ZNF519: variants seen among roughly 807,000 people sequenced by gnomAD.
ZNF519 encodes zinc finger protein 519.
A neutral mutation model predicts 7.4 loss-of-function variants in ZNF519; 7 were observed. That is an observed-to-expected ratio of 0.94 (90% CI 0.54 to 1.77). The LOEUF is 1.77. Among genes scored for constraint, ZNF519 ranks in the 40% most tolerant of loss-of-function variants. The pLI is 0.00. For missense variants in ZNF519, 586 were observed against 623.1 expected, an observed-to-expected ratio of 0.94 and a Z score of 0.63; for synonymous variants, 179 against 203.3, an observed-to-expected ratio of 0.88 and a Z score of 1.02.
chr18:14,071,170 AT>A (rs2046026574), downstream of ZNF519: 1 of 151,894 alleles, frequency 6.6e-6, no homozygotes, highest in Non-Finnish European at 1.5e-5. Context: ...TAATCCAAAA[AT>A]AATTGGTGAT....
chr18:14,094,366 A>T (rs1183022547), intron 2 of ZNF519, among the ~76,000 whole-genome samples: 1 of 152,342 alleles, frequency 6.6e-6, no homozygotes, highest in Non-Finnish European at 1.5e-5. Context: ...CTTGTTCCAG[A>T]TCTTTTATAA....
At chr18:14,118,205 C>G (rs998993989) in intron 2 of ZNF519, among the ~76,000 whole-genome samples, 4 of 151,960 alleles carry the variant, frequency 2.6e-5, no homozygotes, top group Non-Finnish European at 5.9e-5. Flanking sequence ...ACTACAGGTG[C>G]CCGCCACCAC....
chr18:14,128,726 A>ACAC (rs2046314622), intron 1 of ZNF519, among the ~76,000 whole-genome samples: 3 of 95,684 alleles, frequency 3.1e-5, no homozygotes, highest in African/African-American at 8.0e-5. Flanking sequence ...CACACACACA[A>ACAC]AACCAAATGA....
chr18:14,087,233 T>C (rs566879828), intron 2 of ZNF519, among the ~76,000 whole-genome samples: 4 of 152,278 alleles, frequency 2.6e-5, no homozygotes, highest in Non-Finnish European at 5.9e-5. Flanking sequence ...AGAACCATCA[T>C]ACTGAATGGG....
intron 2 of ZNF519, among the ~76,000 whole-genome samples, chr18:14,123,465 T>C (rs949235865): frequency 2.0e-5 from 3 of 152,186 alleles, no homozygotes; most frequent in Admixed American, 6.5e-5. Flanking sequence ...ACGCCTGTAA[T>C]CTCAATACTT....
downstream of ZNF519, among the ~76,000 whole-genome samples, chr18:14,097,881 GTAAA>G (rs1028863687): frequency 9.9e-5 from 15 of 152,090 alleles, no homozygotes; most frequent in African/African-American, 3.6e-4. Context: ...CATGTGTGAA[GTAAA>G]AAAACACAGT....
downstream of ZNF519, chr18:14,071,373 TACAG>T (rs1721186299): frequency 6.6e-6 from 1 of 152,148 alleles, no homozygotes; most frequent in South Asian, 2.1e-4. Context: ...TACATGCATA[TACAG>T]ACATAGATAT....
At chr18:14,107,090 G>A (rs1184959458) in intron 2 of ZNF519, among the ~76,000 whole-genome samples, 2 of 152,066 alleles carry the variant, frequency 1.3e-5, no homozygotes, top group African/African-American at 2.4e-5. Context: ...GTGGACTTGG[G>A]GGCCACATTA....
chr18:14,104,674 T>C lies in ZNF519; in HGVS notation c.*243A>G. On this transcript the variant is annotated 3_prime_UTR_variant, in exon 3 of 3. Coordinates refer to ENST00000590202, the MANE Select transcript of ZNF519 (RefSeq NM_145287.4). ...CGTCCCTCTTTTTAAACATACAATT[T>C]AATTATCTAATTGAGTTTGAATTAT... 2.7e-6 allele frequency: 1 copy of C among 375,038 alleles called. No individual in the cohort carries two copies. The highest frequency in any genetic ancestry group is 4.7e-6 in the Non-Finnish European group (1 of 212,154). 23.2% of individuals were successfully genotyped at this position (375,038 alleles called of 1,614,324 possible).
Position 14,124,223 on chromosome 18 carries a change from A to G in ZNF519, c.130+127T>C, listed in dbSNP as rs2046284771. ...TTCTTTTTTACACTAGCAAACTCCCATTTTTTCTTGAAGAAAAGAACTGAA... is the reference window on the plus strand; with the variant it reads ...TTCTTTTTTACACTAGCAAACTCCCGTTTTTTCTTGAAGAAAAGAACTGAA... On this transcript the variant is annotated intron_variant, in intron 2 of 2. Coordinates refer to ENST00000590202, the MANE Select transcript of ZNF519 (RefSeq NM_145287.4). 7.4e-6 allele frequency: 7 copies of G among 940,670 alleles called. No homozygotes were observed. The South Asian group carries it at 1.9e-4, about 25-fold the overall frequency. 58.3% of individuals were successfully genotyped at this position (940,670 alleles called of 1,614,324 possible).
At chr18:14,118,085 GT>G (rs2046254003) in intron 2 of ZNF519, among the ~76,000 whole-genome samples, 1 of 152,122 alleles carries the variant, frequency 6.6e-6, no homozygotes, top group Non-Finnish European at 1.5e-5. Context: ...TTGAGACAGA[GT>G]CTCGCTCTGT....
At position 14,113,321 on chromosome 18, in the gene ZNF519, T is replaced by C. The variant is rs1300339928; in HGVS notation, c.131-6912A>G. On this transcript the variant is annotated intron_variant, in intron 2 of 2. Transcript: ENST00000590202. ...TAAATGCATACCTGATTGCCTCCTT[T>C]GGAAAGGCTAGTCAGAAACTCAAAA... 7.2e-5 allele frequency among the ~76,000 whole-genome samples: 11 copies of C among 152,316 alleles called. No homozygotes were observed. In the South Asian group the frequency reaches 1.2e-3, roughly 17 times the overall value.
chr18:14,104,646 T>G lies in ZNF519; in HGVS notation c.*271A>C, dbSNP rs1189517871. 2 of 319,356 alleles carry G rather than the reference T, an allele frequency of 6.3e-6. No homozygotes were observed. 19.8% of individuals were successfully genotyped at this position (319,356 alleles called of 1,614,324 possible). A position where few individuals can be genotyped will look rare whatever the true frequency, so the allele number is the denominator to read the frequency against. ...GAATATAATTATGCCTCTCCATCAA[T>G]GTCGTCCCTCTTTTTAAACATACAA... On this transcript the variant is annotated 3_prime_UTR_variant, in exon 3 of 3. Transcript: ENST00000590202.
intron 2 of ZNF519, among the ~76,000 whole-genome samples, chr18:14,086,369 G>GCTGTAGC (rs2046090523): frequency 6.6e-6 from 1 of 152,200 alleles, no homozygotes; most frequent in African/African-American, 2.4e-5. Flanking sequence ...GGGCCGGAAA[G>GCTGTAGC]CTGTAGCCGT....
At position 14,101,403 on chromosome 18, in the gene ZNF519, A is replaced by G. The variant is rs1278024294; in HGVS notation, c.*3514T>C. 2.6e-5 allele frequency: 8 copies of G among 310,322 alleles called. No homozygotes were observed. The Admixed American group carries it at 3.5e-4, about 14-fold the overall frequency. The allele number at this position is 310,322 out of a possible 1,614,324, so 19.2% of individuals were successfully genotyped here. A position where few individuals can be genotyped will look rare whatever the true frequency, so the allele number is the denominator to read the frequency against. On this transcript the variant is annotated 3_prime_UTR_variant, in exon 3 of 3. Coordinates refer to ENST00000590202, the MANE Select transcript of ZNF519 (RefSeq NM_145287.4). ...AGCAAATGCAAAAACACTCATGGTC[A>G]TAACATGAAGTGAAAGTAAAATATA...
intron 1 of ZNF519, among the ~76,000 whole-genome samples, chr18:14,126,582 T>C (rs1326424779): frequency 6.6e-6 from 1 of 152,198 alleles, no homozygotes; most frequent in African/African-American, 2.4e-5. Flanking sequence ...GTGCTCTAGA[T>C]TGCAAGCTCC....
chr18:14,130,326 G>A (rs1367942021), intron 1 of ZNF519, among the ~76,000 whole-genome samples: 1 of 152,012 alleles, frequency 6.6e-6, no homozygotes, highest in Non-Finnish European at 1.5e-5. Flanking sequence ...CTCTGATTTA[G>A]AATCTGATTT....
intron 2 of ZNF519, among the ~76,000 whole-genome samples, chr18:14,114,467 C>T (rs550022738): frequency 7.9e-5 from 12 of 152,246 alleles, no homozygotes; most frequent in Middle Eastern, 3.4e-3. Flanking sequence ...TTTATCTCTG[C>T]GTTCTCTCTA....
intron 2 of ZNF519, among the ~76,000 whole-genome samples, chr18:14,114,103 T>C (rs564502388): frequency 6.6e-6 from 1 of 152,182 alleles, no homozygotes; most frequent in Non-Finnish European, 1.5e-5. Flanking sequence ...CTTCACTTTG[T>C]TGATTGTTTC....
Sources: allele counts gnomAD v4.1 joint callset (sites outside exome capture counted in the v4.1 genomes callset), GRCh38; gene constraint gnomAD v4.1.1; transcripts MANE v1.5; gene names NCBI Gene and HGNC (gene_info 2026-07-23, HGNC 2026-07-21).